The following CSMD1 variants were observed in gnomAD, a reference collection of about 807,000 sequenced individuals.
The protein encoded by CSMD1 is CUB and sushi domain-containing protein 1.
A neutral mutation model predicts 417.5 loss-of-function variants in CSMD1; 213 were observed. That is an observed-to-expected ratio of 0.51 (90% confidence interval 0.46 to 0.57). The LOEUF is 0.57. CSMD1 is among the 20% of genes least tolerant of loss of function. CSMD1 has a pLI of 0.00. For synonymous variants in CSMD1, 2,862 were observed against 1,736.8 expected, an observed-to-expected ratio of 1.65 and a Z score of -16.11; for missense variants, 6,923 against 4,529.7, an observed-to-expected ratio of 1.53 and a Z score of -15.17.
chr8:3,914,771 T>A (rs1808703064), intron 5 of CSMD1, among the ~76,000 whole-genome samples: 1 of 152,098 alleles, frequency 6.6e-6, no homozygotes, highest in Non-Finnish European at 1.5e-5. Flanking sequence ...CATTCTTCAT[T>A]TTTACCGGTT....
chr8:3,990,965 G>A (rs1258169509), intron 5 of CSMD1, among the ~76,000 whole-genome samples: 2 of 152,148 alleles, frequency 1.3e-5, no homozygotes, highest in African/African-American at 4.8e-5. Flanking sequence ...TTTTCAGAAG[G>A]ACAGGAGAGA....
chr8:3,905,518 C>T (rs143295949), intron 5 of CSMD1, among the ~76,000 whole-genome samples: 157 of 152,332 alleles, frequency 1.0e-3, no homozygotes, highest in African/African-American at 3.5e-3. Context: ...TGCTACCCAG[C>T]GTTTCTCAAC....
chr8:3,255,414 C>A (rs1256434280), intron 26 of CSMD1, among the ~76,000 whole-genome samples: 1 of 152,182 alleles, frequency 6.6e-6, no homozygotes, highest in Non-Finnish European at 1.5e-5. Flanking sequence ...AGGGACATTT[C>A]AGTCTGCACA....
intron 1 of CSMD1, among the ~76,000 whole-genome samples, chr8:4,744,370 C>T (rs535531901): frequency 1.3e-5 from 2 of 152,234 alleles, no homozygotes; most frequent in South Asian, 4.1e-4. Context: ...TTCAGTGTTT[C>T]GTATTGTCTC....
At chr8:4,958,454 C>A (rs903991195) in intron 1 of CSMD1, among the ~76,000 whole-genome samples, 1 of 152,120 alleles carries the variant, frequency 6.6e-6, no homozygotes, top group African/African-American at 2.4e-5. Context: ...AAAGTATTAA[C>A]AGAAAACTGC....
At chr8:3,451,991 T>C (rs779473273) in intron 12 of CSMD1, among the ~76,000 whole-genome samples, 3 of 152,224 alleles carry the variant, frequency 2.0e-5, no homozygotes, top group East Asian at 3.9e-4. Context: ...TTTTATTTCA[T>C]TGAGCAGTGG....
intron 23 of CSMD1, among the ~76,000 whole-genome samples, chr8:3,313,063 T>C (rs1253725925): frequency 6.6e-6 from 1 of 152,238 alleles, no homozygotes; most frequent in African/African-American, 2.4e-5. Flanking sequence ...CATAAAATTC[T>C]ATGATGTTAA....
chr8:4,215,162 G>C (rs1022572307), intron 3 of CSMD1, among the ~76,000 whole-genome samples: 1 of 152,196 alleles, frequency 6.6e-6, no homozygotes, highest in Non-Finnish European at 1.5e-5. Context: ...ATCCCAAACA[G>C]GGGCTGATAG....
At chr8:3,967,603 A>G (rs1484955515) in intron 5 of CSMD1, among the ~76,000 whole-genome samples, 1 of 152,074 alleles carries the variant, frequency 6.6e-6, no homozygotes, top group Admixed American at 6.6e-5. Flanking sequence ...GACGGTTCAC[A>G]ACTGATTTAT....
At chr8:3,667,806 C>G (rs1337250136) in intron 7 of CSMD1, among the ~76,000 whole-genome samples, 2 of 152,210 alleles carry the variant, frequency 1.3e-5, no homozygotes, top group African/African-American at 2.4e-5. Context: ...ACAGAAGACC[C>G]AGGGCAAATT....
At chr8:3,705,579 G>T (rs951492304) in intron 7 of CSMD1, among the ~76,000 whole-genome samples, 2 of 152,162 alleles carry the variant, frequency 1.3e-5, no homozygotes, top group African/African-American at 2.4e-5. Context: ...CCAGCTTACA[G>T]AATAAAAAAT....
intron 1 of CSMD1, among the ~76,000 whole-genome samples, chr8:4,675,090 A>T (rs1282525445): frequency 6.6e-6 from 1 of 152,194 alleles, no homozygotes; most frequent in Non-Finnish European, 1.5e-5. Context: ...TTGTTGTTTA[A>T]GCCACCCAAT....
chr8:3,761,568 T>G (rs907817340), intron 5 of CSMD1, among the ~76,000 whole-genome samples: 1 of 140,570 alleles, frequency 7.1e-6, no homozygotes, highest in South Asian at 2.4e-4. Flanking sequence ...TGAAATGAGA[T>G]GATCTCAGCT....
intron 2 of CSMD1, among the ~76,000 whole-genome samples, chr8:4,507,777 T>A (rs1802603756): frequency 6.6e-6 from 1 of 151,988 alleles, no homozygotes; most frequent in Admixed American, 6.6e-5. Context: ...TCTATAAGAG[T>A]TGTAATGAAA....
chr8:3,524,336 C>A (rs1388223867), intron 10 of CSMD1, among the ~76,000 whole-genome samples: 2 of 151,864 alleles, frequency 1.3e-5, no homozygotes, highest in Non-Finnish European at 2.9e-5. Context: ...CATGCACACA[C>A]ACATGCACAC....
intron 2 of CSMD1, among the ~76,000 whole-genome samples, chr8:4,492,521 TATA>T (rs1391197243): frequency 1.3e-5 from 2 of 152,194 alleles, no homozygotes; most frequent in Non-Finnish European, 2.9e-5. Context: ...ATCTGATCAT[TATA>T]ATATTTCTCA....
At chr8:4,380,909 T>C (rs1014818959) in intron 3 of CSMD1, among the ~76,000 whole-genome samples, 1 of 152,194 alleles carries the variant, frequency 6.6e-6, no homozygotes, top group Non-Finnish European at 1.5e-5. Flanking sequence ...ATTATTGTTT[T>C]ATACATTTTG....
intron 26 of CSMD1, among the ~76,000 whole-genome samples, chr8:3,260,941 G>C (rs976498308): frequency 2.0e-5 from 3 of 151,998 alleles, no homozygotes; most frequent in African/African-American, 7.3e-5. Flanking sequence ...GAATGCTCAA[G>C]ACTGAAGAGT....
chr8:3,227,332 A>G (rs1333887528), intron 27 of CSMD1, among the ~76,000 whole-genome samples: 1 of 128,942 alleles, frequency 7.8e-6, no homozygotes, highest in Admixed American at 8.0e-5. Flanking sequence ...ACACGGAAGG[A>G]GGTTGCAGTG....
Sources: gnomAD v4.1 joint callset for allele counts (sites outside exome capture counted in the v4.1 genomes callset) on GRCh38, gnomAD v4.1.1 for gene constraint, MANE v1.5 for transcripts, NCBI Gene and HGNC (gene_info 2026-07-23, HGNC 2026-07-21) for gene names.